The following NCOR1 variants were observed in gnomAD, a reference collection of about 807,000 sequenced individuals.
NCOR1 encodes the protein protein phosphatase 1, regulatory subunit 109.
Under a neutral mutation model 288.1 loss-of-function variants are expected in NCOR1, and 63 were observed. That is an observed-to-expected ratio of 0.22 (90% CI 0.18 to 0.27). The LOEUF is 0.27. Ranked by LOEUF, NCOR1 falls within the 10% of genes least tolerant of loss-of-function variation. NCOR1 has a pLI of 1.00. For synonymous variants in NCOR1, 1,007 were observed against 1,065.9 expected, an observed-to-expected ratio of 0.94 and a Z score of 1.08; for missense variants, 2,397 against 3,019.2, an observed-to-expected ratio of 0.79 and a Z score of 4.83.
intron 1 of NCOR1, among the ~76,000 whole-genome samples, chr17:16,204,377 G>A (rs1405297991): frequency 6.6e-6 from 1 of 152,134 alleles, no homozygotes; most frequent in Non-Finnish European, 1.5e-5. Flanking sequence ...TTTAAAAAGA[G>A]AAGGAAAAGG....
At chr17:16,164,244 A>G (rs59150757) in intron 5 of NCOR1, among the ~76,000 whole-genome samples, 2 of 35,242 alleles carry the variant, frequency 5.7e-5, no homozygotes, top group Non-Finnish European at 1.6e-4. Flanking sequence ...CCAAATCTGG[A>G]AAAAAAAAAA....
chr17:16,044,588 T>A, intron 42 of NCOR1: 1 of 546,346 alleles, frequency 1.8e-6, no homozygotes, highest in Non-Finnish European at 3.6e-6. Flanking sequence ...TACCACCACG[T>A]CCGGCAGCGC....
At chr17:16,213,851 G>T (rs558169551) in intron 1 of NCOR1, among the ~76,000 whole-genome samples, 1 of 152,218 alleles carries the variant, frequency 6.6e-6, no homozygotes, top group Non-Finnish European at 1.5e-5. Context: ...TTTCTCCGGG[G>T]GAGTAGTTCA....
rs755161124 is a variant in NCOR1 at position 16,061,737 on chromosome 17, A to C, written c.5545T>G (p.Leu1849Val). 1 of 1,614,116 alleles carries C rather than the reference A, an allele frequency of 6.2e-7. No individual in the cohort carries two copies. The highest frequency in any genetic ancestry group is 8.5e-7 in the Non-Finnish European group (1 of 1,180,022). The change falls in exon 37 of 46, where the codon TTA (leucine) becomes GTA (valine). Residue 1849 changes from leucine (L) to valine (V), a missense_variant. This residue lies in a region of NCOR1 where 1,872 missense variants were observed against 2,187.8 expected (regional missense o/e 0.86). Transcript: ENST00000268712. The stretch of plus-strand genomic sequence containing the variant: ...GACCTGCTTCTCAAATTTTCTTCTA[A>C]CCTGGCAGCTTCATGCTTACTCTCT... ...TKESKHEAAR[L>V]EENLRSRSAA...
chr17:16,139,732 T>C (rs1056912575), intron 11 of NCOR1, among the ~76,000 whole-genome samples: 16 of 152,226 alleles, frequency 1.1e-4, no homozygotes, highest in African/African-American at 3.9e-4. Context: ...TTTAAGGTTG[T>C]TATTCTTAGA....
rs550001484 is a variant in NCOR1, at chr17:16,040,700, G to A, written c.6680-206C>T. The A allele has an allele frequency of 1.7e-5, 10 of 589,336 alleles. No individual in the cohort carries two copies. In the East Asian group the frequency reaches 3.1e-4, roughly 18 times the overall value. The allele number at this position is 589,336 out of a possible 1,614,324, so 36.5% of individuals were successfully genotyped here. A position where few individuals can be genotyped will look rare whatever the true frequency, so the allele number is the denominator to read the frequency against. ...CTCTGTTGCCCAGGCTATTTTTAAA[G>A]GGAAATCAGGAAATAGGTAAGGTAG... On this transcript the variant is annotated intron_variant, in intron 42 of 45. Transcript: ENST00000268712.
intron 42 of NCOR1, chr17:16,040,735 A>C: frequency 1.9e-6 from 1 of 533,144 alleles, no homozygotes; most frequent in South Asian, 1.7e-5. Context: ...GGAACATCAA[A>C]AGAAGAGCAA....
At chr17:16,207,339 T>C (rs1261174949) in intron 1 of NCOR1, among the ~76,000 whole-genome samples, 2 of 152,128 alleles carry the variant, frequency 1.3e-5, no homozygotes, top group East Asian at 3.8e-4. Context: ...ATGACAGTGA[T>C]AATGGCAAGA....
intron 42 of NCOR1, among the ~76,000 whole-genome samples, chr17:16,042,694 T>G (rs868346003): frequency 6.6e-6 from 1 of 152,150 alleles, no homozygotes; most frequent in Middle Eastern, 3.2e-3. Flanking sequence ...CTGACTCCCA[T>G]CAGGAGGCAG....
intron 3 of NCOR1, among the ~76,000 whole-genome samples, chr17:16,176,964 T>A (rs962114886): frequency 6.6e-6 from 1 of 152,066 alleles, no homozygotes; most frequent in Non-Finnish European, 1.5e-5. Context: ...TGAATATTAT[T>A]ACTGTTCCTT....
intron 6 of NCOR1, 139 bp downstream of exon 6, chr17:16,158,621 A>G (rs2080211498): frequency 2.0e-6 from 1 of 493,056 alleles, no homozygotes; most frequent in Non-Finnish European, 3.5e-6. Context: ...TCAGTCAGCC[A>G]AAGTTTATGA....
rs1486743506 is a variant in NCOR1 at position 16,064,872 on chromosome 17, G to A, written c.5099C>T (p.Pro1700Leu). ...PRPYNSASMS[P>L]GHPTHLAAAA... ...GGTGTGTAACTGTACAATCTCACCTGGAGACATGGAAGCAGAGTTGTACGG... is the reference window on the plus strand; with the variant it reads ...GGTGTGTAACTGTACAATCTCACCTAGAGACATGGAAGCAGAGTTGTACGG... The change falls in exon 34 of 46, where the codon CCA becomes CTA. Residue 1700 changes from proline to leucine, a missense_variant and splice_region_variant. Physicochemically the swap from Pro to Leu is moderately conservative, Grantham distance 98. Around this residue, in one of 11 missense-constraint regions of NCOR1, gnomAD observed 1,872 missense variants for 2,187.8 expected, o/e 0.86. Coordinates refer to ENST00000268712, the MANE Select transcript of NCOR1 (RefSeq NM_006311.4). 6.2e-7 allele frequency: 1 copy of A among 1,608,582 alleles called. No individual in the cohort carries two copies. Among genetic ancestry groups the A allele is most frequent in the Admixed American group, 1.7e-5 (1 of 59,506 alleles).
intron 32 of NCOR1, 151 bp downstream of exon 32, chr17:16,067,743 G>C (rs905387739): frequency 1.4e-6 from 1 of 726,310 alleles, no homozygotes; most frequent in Non-Finnish European, 2.1e-6. Context: ...CTGGGTGCTG[G>C]TAACATGGGA....
chr17:16,200,637 G>A (rs1430261548), intron 1 of NCOR1, among the ~76,000 whole-genome samples: 1 of 151,952 alleles, frequency 6.6e-6, no homozygotes, highest in East Asian at 1.9e-4. Context: ...GCAGAAAAAG[G>A]ATCCCACAAA....
rs1265252408 is a variant in NCOR1 at position 16,064,923 on chromosome 17, C to T, written c.5048G>A (p.Gly1683Asp). 6.8e-6 allele frequency: 11 copies of T among 1,613,582 alleles called. No homozygotes were observed. Among genetic ancestry groups the T allele is most frequent in the Non-Finnish European group, 9.3e-6 (11 of 1,179,782 alleles). Residue 1683 changes from glycine to aspartate, a missense_variant, in exon 34 of 46, where the codon GGT becomes GAT. This residue lies in a region of NCOR1 where 1,872 missense variants were observed against 2,187.8 expected (regional missense o/e 0.86). Transcript: ENST00000268712. The stretch of plus-strand genomic sequence containing the variant: ...CCTGGGAGGGAAAGTAATCTGTGTA[C>T]CAGGAATATAAGTGATTCTGTCCAT... ...PPMDRITYIP[G>D]TQITFPPRPY...
intron 19 of NCOR1, among the ~76,000 whole-genome samples, chr17:16,104,825 C>T (rs1046789519): frequency 1.3e-5 from 2 of 151,868 alleles, no homozygotes; most frequent in Admixed American, 6.6e-5. Flanking sequence ...AGTGACTAAA[C>T]GACAAAACTG....
chr17:16,207,748 A>G (rs2091690379), intron 1 of NCOR1, among the ~76,000 whole-genome samples: 1 of 151,188 alleles, frequency 6.6e-6, no homozygotes, highest in Non-Finnish European at 1.5e-5. Flanking sequence ...CCAAAAAAAA[A>G]AAAAAAAGAA....
At chr17:16,143,789 C>A in intron 10 of NCOR1, 93 bp from the exon 11 acceptor site, 3 of 890,108 alleles carry the variant, frequency 3.4e-6, no homozygotes, top group Admixed American at 2.7e-5. Context: ...CTGAATGGAA[C>A]TTTTTAACCA....
chr17:16,180,349 T>C lies in NCOR1; in HGVS notation c.242+6205A>G, dbSNP rs560644261. Among the ~76,000 whole-genome samples the C allele has an allele frequency of 2.6e-5, 4 of 152,260 alleles. No homozygotes were observed. In the South Asian group the frequency reaches 6.2e-4, roughly 24 times the overall value. Reference sequence around the variant, plus strand: ...TGGGAATGTAGATTGTTATAGCCATTATAGAAAACAGTATGGAAGGCCCCA... The same window carrying C: ...TGGGAATGTAGATTGTTATAGCCATCATAGAAAACAGTATGGAAGGCCCCA... On this transcript the variant is annotated intron_variant, in intron 3 of 45. Transcript: ENST00000268712.
Sources: gnomAD v4.1 joint callset for allele counts (sites outside exome capture counted in the v4.1 genomes callset) on GRCh38, gnomAD v4.1.1 for gene constraint, gnomAD v4.1.1 regional missense constraint, MANE v1.5 for transcripts, NCBI Gene and HGNC (gene_info 2026-07-23, HGNC 2026-07-21) for gene names.